DPP10: variants seen among roughly 807,000 people sequenced by gnomAD.
The protein encoded by DPP10 is inactive dipeptidyl peptidase 10.
Under a neutral mutation model 120.9 loss-of-function variants are expected in DPP10, and 33 were observed. That is an observed-to-expected ratio of 0.27 (90% CI 0.21 to 0.37). The LOEUF is 0.37. DPP10 is among the 10% of genes least tolerant of loss of function. The probability of loss-of-function intolerance (pLI) is 1.00; values close to 1 mark genes in which losing one functional copy is unlikely to be tolerated. For missense variants in DPP10, 816 were observed against 942.8 expected, an observed-to-expected ratio of 0.87 and a Z score of 1.76; for synonymous variants, 337 against 326.1, an observed-to-expected ratio of 1.03 and a Z score of -0.36.
intron 1 of DPP10, among the ~76,000 whole-genome samples, chr2:114,947,457 G>C (rs1386725443): frequency 6.6e-6 from 1 of 151,000 alleles, no homozygotes; most frequent in East Asian, 1.9e-4. Flanking sequence ...TTTCAGGTCG[G>C]TCATAATTGC....
chr2:114,633,284 C>T (rs1333900203), intron 1 of DPP10, among the ~76,000 whole-genome samples: 1 of 112,796 alleles, frequency 8.9e-6, no homozygotes, highest in Non-Finnish European at 1.6e-5. Context: ...CAGAGTCTCG[C>T]TCTATCACCC....
In DPP10 at chr2:114,479,107, C is replaced by T. The variant is rs558126670; in HGVS notation, c.60+36269C>T. The stretch of plus-strand genomic sequence containing the variant: ...TCTGTATGCTGAAAATGACAAAATG[C>T]TGATGAAAGAAATCAAATAAAATGT... On this transcript the variant is annotated intron_variant, in intron 1 of 25. Coordinates refer to ENST00000410059, the MANE Select transcript of DPP10 (RefSeq NM_020868.6). 3.5e-4 allele frequency among the ~76,000 whole-genome samples: 53 copies of T among 150,090 alleles called. 1 individual carries two copies. In the South Asian group the frequency reaches 0.011, roughly 32 times the overall value.
intron 1 of DPP10, among the ~76,000 whole-genome samples, chr2:114,586,485 A>G (rs1026271207): frequency 1.3e-5 from 2 of 152,356 alleles, no homozygotes; most frequent in Middle Eastern, 3.4e-3. Context: ...ATAAACTAGT[A>G]CCAGCACATA....
At chr2:115,021,206 C>CA (rs1703050888) in intron 1 of DPP10, among the ~76,000 whole-genome samples, 1 of 151,442 alleles carries the variant, frequency 6.6e-6, no homozygotes, top group East Asian at 1.9e-4. Flanking sequence ...ACAACAACAA[C>CA]AAAAAAGATA....
chr2:114,480,169 C>A (rs903782967), intron 1 of DPP10, among the ~76,000 whole-genome samples: 3 of 151,762 alleles, frequency 2.0e-5, no homozygotes, highest in Non-Finnish European at 4.4e-5. Context: ...CCATCTCACA[C>A]CAGTTAGAAT....
rs1205129259 is a variant in DPP10 at position 115,782,333 on chromosome 2, A to G, written c.1484-19A>G. 6.2e-7 allele frequency: 1 copy of G among 1,600,996 alleles called. No homozygotes were observed. Among genetic ancestry groups the G allele is most frequent in the Non-Finnish European group, 8.6e-7 (1 of 1,168,932 alleles). ...TAGACATCTTTAAAAATATTTATAC[A>G]CATATTTTTAAATTCCAGGTCCAAG... On this transcript the variant is annotated intron_variant, in intron 16 of 25. Transcript: ENST00000410059.
chr2:114,864,629 G>A (rs1690078428), intron 1 of DPP10, among the ~76,000 whole-genome samples: 1 of 152,148 alleles, frequency 6.6e-6, no homozygotes, highest in Admixed American at 6.6e-5. Context: ...CCAGCAATCA[G>A]GTAACTGGGG....
chr2:114,627,457 CA>C (rs1185096639), intron 1 of DPP10, among the ~76,000 whole-genome samples: 1 of 152,078 alleles, frequency 6.6e-6, no homozygotes, highest in Non-Finnish European at 1.5e-5. Flanking sequence ...AATCTTCCTG[CA>C]GATCTAGGTT....
At chr2:114,528,230 G>A (rs1296747326) in intron 1 of DPP10, among the ~76,000 whole-genome samples, 2 of 152,166 alleles carry the variant, frequency 1.3e-5, no homozygotes, top group Non-Finnish European at 2.9e-5. Context: ...GGATCAGTCT[G>A]AGTGCCACTG....
chr2:115,788,241 A>C (rs182398905), intron 17 of DPP10, among the ~76,000 whole-genome samples: 22 of 152,256 alleles, frequency 1.4e-4, no homozygotes, highest in African/African-American at 5.1e-4. Context: ...AACAGATCCC[A>C]ATTTAGGGGT....
Position 115,560,323 on chromosome 2 carries a change from G to A in DPP10, c.441+34351G>A, listed in dbSNP as rs191188617. On this transcript the variant is annotated intron_variant, in intron 5 of 25. Transcript: ENST00000410059. ...GAGGCAGAGCTTGCAGTGAGCCGAG[G>A]TGGTGCCACTGCACTCCAGCCTGGG... 1.8e-3 allele frequency among the ~76,000 whole-genome samples: 225 copies of A among 128,336 alleles called. 1 individual carries two copies. Among genetic ancestry groups the A allele is most frequent in the African/African-American group, 6.6e-3 (220 of 33,558 alleles). The allele number at this position is 128,336 out of a possible 152,430, so 84.2% of individuals were successfully genotyped here. A position where few individuals can be genotyped will look rare whatever the true frequency, so the allele number is the denominator to read the frequency against.
intron 1 of DPP10, among the ~76,000 whole-genome samples, chr2:115,282,021 T>A (rs539673821): frequency 6.6e-6 from 1 of 152,174 alleles, no homozygotes; most frequent in South Asian, 2.1e-4. Context: ...TTCATTACTT[T>A]AAGGTAGGAG....
intron 5 of DPP10, among the ~76,000 whole-genome samples, chr2:115,537,042 A>G (rs1185740869): frequency 6.6e-6 from 1 of 152,070 alleles, no homozygotes; most frequent in Non-Finnish European, 1.5e-5. Context: ...TAATGGAGTC[A>G]TCATTTGTAT....
intron 1 of DPP10, among the ~76,000 whole-genome samples, chr2:114,770,191 T>G (rs981791419): frequency 1.3e-5 from 2 of 152,126 alleles, no homozygotes; most frequent in Admixed American, 1.3e-4. Flanking sequence ...ATGGGAAGCA[T>G]TCCTGCCTCT....
At chr2:114,667,659 G>A (rs1328772285) in intron 1 of DPP10, among the ~76,000 whole-genome samples, 1 of 152,142 alleles carries the variant, frequency 6.6e-6, no homozygotes, top group Non-Finnish European at 1.5e-5. Flanking sequence ...TACTAATATT[G>A]CTCAAATAGA....
chr2:115,450,788 G>A (rs2073047020), intron 3 of DPP10, among the ~76,000 whole-genome samples: 1 of 151,884 alleles, frequency 6.6e-6, no homozygotes. Flanking sequence ...CTCTGAAGAT[G>A]CAATAATTTT....
chr2:115,143,744 C>A lies in DPP10; in HGVS notation c.61-165495C>A, dbSNP rs139546796. Among the ~76,000 whole-genome samples, 74 of 152,214 alleles carry A rather than the reference C, an allele frequency of 4.9e-4. 1 individual carries two copies. The highest frequency in any genetic ancestry group is 1.1e-3 in the African/African-American group (45 of 41,538). ...CTGATAGCATAAAGGTATGTGGCAT[C>A]ATGGAATGAGCTAAGTACCACATTG... On this transcript the variant is annotated intron_variant, in intron 1 of 25. Transcript: ENST00000410059.
At chr2:115,189,732 T>C (rs1232875058) in intron 1 of DPP10, among the ~76,000 whole-genome samples, 1 of 152,170 alleles carries the variant, frequency 6.6e-6, no homozygotes, top group East Asian at 1.9e-4. Flanking sequence ...GAGGACGTTT[T>C]AGTAAGTGCT....
intron 1 of DPP10, among the ~76,000 whole-genome samples, chr2:114,875,490 C>T: frequency 6.6e-6 from 1 of 152,100 alleles, no homozygotes; most frequent in South Asian, 2.1e-4. Flanking sequence ...CCTCCTGGGA[C>T]AGTGAAAGCT....
Sources: allele counts gnomAD v4.1 joint callset (sites outside exome capture counted in the v4.1 genomes callset), GRCh38; gene constraint gnomAD v4.1.1; transcripts MANE v1.5; gene names NCBI Gene and HGNC (gene_info 2026-07-23, HGNC 2026-07-21).